TCERG1: variants seen among roughly 807,000 people sequenced by gnomAD.
TCERG1 encodes the protein TATA box binding protein (TBP)-associated factor, RNA polymerase II, S, 150kD.
TCERG1 carries 37 observed loss-of-function variants against 144.7 expected under a neutral mutation model. That is an observed-to-expected ratio of 0.26 (90% confidence interval 0.20 to 0.34). The LOEUF (loss-of-function observed/expected upper bound fraction) is 0.34. Ranked by LOEUF, TCERG1 falls within the 10% of genes least tolerant of loss-of-function variation. TCERG1 has a pLI of 1.00. For synonymous variants in TCERG1, 492 were observed against 458.2 expected (o/e 1.07, Z -0.94); for missense variants, 1,027 against 1,380.7 (o/e 0.74, Z 4.06).
chr5:146,506,909 G>C, intron 19 of TCERG1, 119 bp from the exon 20 acceptor site: 3 of 734,652 alleles, frequency 4.1e-6, no homozygotes. Context: ...TCTGTTGATA[G>C]ACACTTAGGT....
Position 146,447,338 on chromosome 5 carries a change from C to T in TCERG1, c.-12C>T, listed in dbSNP as rs202159911. 39 of 1,611,274 alleles carry T rather than the reference C, an allele frequency of 2.4e-5. No homozygotes were observed. The East Asian group carries it at 2.5e-4, about 10-fold the overall frequency. The stretch of plus-strand genomic sequence containing the variant: ...CGTCGGGTCGGCGGGTGGATGAACG[C>T]GGCCCTCTGTAATGGCGGAGCGTGG... On this transcript the variant is annotated 5_prime_UTR_variant, in exon 1 of 23. Transcript: ENST00000679501.
chr5:146,484,030 C>A (rs77964266), intron 15 of TCERG1, among the ~76,000 whole-genome samples: 21,115 of 151,972 alleles, frequency 0.14, 2,480 homozygotes, highest in East Asian at 0.71. Context: ...ATATGACTAC[C>A]GTTGAACACT....
intron 4 of TCERG1, among the ~76,000 whole-genome samples, chr5:146,461,055 G>T (rs898822664): frequency 6.6e-6 from 1 of 152,042 alleles, no homozygotes; most frequent in Admixed American, 6.6e-5. Context: ...GTAGTGCTTC[G>T]TTTTGTTTTA....
At chr5:146,471,910 T>C (rs549554701) in intron 9 of TCERG1, among the ~76,000 whole-genome samples, 1 of 152,286 alleles carries the variant, frequency 6.6e-6, no homozygotes, top group East Asian at 1.9e-4. Flanking sequence ...AGTAGTAATT[T>C]TTAAAAATCA....
chr5:146,467,483 C>T (rs928316508), intron 5 of TCERG1, among the ~76,000 whole-genome samples: 4 of 152,088 alleles, frequency 2.6e-5, no homozygotes, highest in African/African-American at 9.7e-5. Flanking sequence ...TCTTTTCATT[C>T]CCTTTTTAAA....
chr5:146,457,675 T>C (rs1025365906), intron 3 of TCERG1, among the ~76,000 whole-genome samples: 1 of 152,200 alleles, frequency 6.6e-6, no homozygotes, highest in Admixed American at 6.5e-5. Context: ...AGTAAGGGAA[T>C]GTCAACCCTC....
intron 1 of TCERG1, among the ~76,000 whole-genome samples, chr5:146,452,254 A>G (rs889470011): frequency 4.6e-5 from 7 of 152,106 alleles, no homozygotes; most frequent in African/African-American, 1.4e-4. Flanking sequence ...ATTTTCAAAT[A>G]TATAAAGAAT....
chr5:146,460,901 C>T (rs768716171), intron 4 of TCERG1, among the ~76,000 whole-genome samples: 1 of 152,148 alleles, frequency 6.6e-6, no homozygotes, highest in Non-Finnish European at 1.5e-5. Flanking sequence ...TCCCAAACCT[C>T]TGTGGCAAGG....
chr5:146,503,742 TTTA>T lies in TCERG1; in HGVS notation c.2599-79_2599-77del, dbSNP rs1162413945. Reference sequence around the variant, plus strand: ...TGGGCAAAAACTAGATTTGGAATTTTTTATTTGGCAAGCTAGTTATTCTGTAAA... The same window carrying T: ...TGGGCAAAAACTAGATTTGGAATTTTTTTGGCAAGCTAGTTATTCTGTAAA... On this transcript the variant is annotated intron_variant, in intron 18 of 22. Coordinates refer to ENST00000679501, the MANE Select transcript of TCERG1 (RefSeq NM_001382548.1). 2.7e-6 allele frequency: 4 copies of T among 1,488,474 alleles called. No homozygotes were observed. In the East Asian group the frequency reaches 6.8e-5, roughly 25 times the overall value. The allele number at this position is 1,488,474 out of a possible 1,614,324, so 92.2% of individuals were successfully genotyped here.
chr5:146,455,768 T>C (rs1274204858), intron 2 of TCERG1, among the ~76,000 whole-genome samples: 1 of 152,190 alleles, frequency 6.6e-6, no homozygotes, highest in Non-Finnish European at 1.5e-5. Context: ...TGAATTTTTT[T>C]TCTCCCCTGG....
At chr5:146,493,678 G>C (rs970481883) in intron 16 of TCERG1, among the ~76,000 whole-genome samples, 1 of 152,044 alleles carries the variant, frequency 6.6e-6, no homozygotes, top group African/African-American at 2.4e-5. Flanking sequence ...CAGGTAGTTT[G>C]ATTTAGGTAC....
At chr5:146,474,998 T>G (rs546671412) in intron 9 of TCERG1, among the ~76,000 whole-genome samples, 2 of 152,248 alleles carry the variant, frequency 1.3e-5, no homozygotes, top group South Asian at 4.2e-4. Flanking sequence ...TTTTCTCTTA[T>G]CTTGTTTTTC....
chr5:146,509,029 G>T, intron 21 of TCERG1, 116 bp from the exon 22 acceptor site: 1 of 504,038 alleles, frequency 2.0e-6, no homozygotes, highest in South Asian at 5.5e-5. Flanking sequence ...TTTTTCTTTT[G>T]AATTTTAAAT....
In TCERG1 at chr5:146,498,719, A is replaced by G. The variant is rs527278960; in HGVS notation, c.2433+33A>G. 1 of 1,586,150 alleles carries G rather than the reference A, an allele frequency of 6.3e-7. No homozygotes were observed. Among genetic ancestry groups the G allele is most frequent in the Non-Finnish European group, 8.6e-7 (1 of 1,168,998 alleles). The stretch of plus-strand genomic sequence containing the variant: ...GGTTTTAGTTCCAGTGGTGTGATTG[A>G]TGGGAGTGTGAATGGGAAAGGTCTA... On this transcript the variant is annotated intron_variant, in intron 17 of 22. Coordinates refer to ENST00000679501, the MANE Select transcript of TCERG1 (RefSeq NM_001382548.1).
chr5:146,504,567 T>TG (rs1292770950), intron 19 of TCERG1: 1 of 152,314 alleles, frequency 6.6e-6, no homozygotes, highest in Non-Finnish European at 1.5e-5. Flanking sequence ...ATTTTGGAGT[T>TG]GGGGGTGGCT....
At chr5:146,498,334 A>T (rs577936101) in intron 16 of TCERG1, among the ~76,000 whole-genome samples, 41 of 151,354 alleles carry the variant, frequency 2.7e-4, no homozygotes, top group African/African-American at 9.5e-4. Flanking sequence ...TTCTATGCTG[A>T]TAGCATACAA....
chr5:146,455,360 A>G (rs1448635769), intron 2 of TCERG1, 79 bp downstream of exon 2: 2 of 1,477,786 alleles, frequency 1.4e-6, no homozygotes, highest in Non-Finnish European at 1.8e-6. Context: ...AAAAACTTAC[A>G]TTCTTAAATA....
At chr5:146,464,671 G>A (rs892352293) in intron 5 of TCERG1, among the ~76,000 whole-genome samples, 4 of 152,196 alleles carry the variant, frequency 2.6e-5, no homozygotes, top group African/African-American at 9.7e-5. Flanking sequence ...ATAGTTGAAA[G>A]TATTGGTACC....
intron 8 of TCERG1, 39 bp from the exon 9 acceptor site, chr5:146,471,449 T>G (rs1352966832): frequency 2.6e-6 from 4 of 1,568,562 alleles, no homozygotes; most frequent in Non-Finnish European, 3.5e-6. Context: ...TCAGGTATTG[T>G]TAATGTGATA....
Sources: allele counts gnomAD v4.1 joint callset (sites outside exome capture counted in the v4.1 genomes callset), GRCh38; gene constraint gnomAD v4.1.1; transcripts MANE v1.5; gene names NCBI Gene and HGNC (gene_info 2026-07-23, HGNC 2026-07-21).